Variants in FRMD5 observed in about 807,000 individuals in gnomAD.
The protein encoded by FRMD5 is FERM domain containing 5.
FRMD5 carries 20 observed loss-of-function variants against 69.0 expected under a neutral mutation model. The ratio of observed to expected loss-of-function variants is 0.29; its 90% confidence interval spans 0.20 to 0.42. The LOEUF (loss-of-function observed/expected upper bound fraction) is 0.42, where lower values mean the gene tolerates loss of function less well. FRMD5 is among the 10% of genes least tolerant of loss of function. The pLI is 1.00. For missense variants in FRMD5, 595 were observed against 708.6 expected, an observed-to-expected ratio of 0.84 and a Z score of 1.82; for synonymous variants, 271 against 260.1, an observed-to-expected ratio of 1.04 and a Z score of -0.40.
At chr15:44,031,254 G>GA (rs886585475) in intron 1 of FRMD5, among the ~76,000 whole-genome samples, 1 of 151,712 alleles carries the variant, frequency 6.6e-6, no homozygotes, top group Admixed American at 6.6e-5. Flanking sequence ...CCACAGGGGA[G>GA]AAAAAAAAGC....
At chr15:44,092,916 C>T (rs1221129239) in intron 1 of FRMD5, among the ~76,000 whole-genome samples, 1 of 140,700 alleles carries the variant, frequency 7.1e-6, no homozygotes, top group African/African-American at 2.6e-5. Context: ...TATATTTGTT[C>T]TATCCTCTGC....
chr15:43,905,681 A>G, intron 6 of FRMD5, 147 bp downstream of exon 6: 1 of 984,994 alleles, frequency 1.0e-6, no homozygotes, highest in South Asian at 1.6e-5. Flanking sequence ...TGTATCACTG[A>G]CAATGGTACA....
At chr15:43,923,988 G>T (rs1595523717) in intron 2 of FRMD5, among the ~76,000 whole-genome samples, 1 of 152,288 alleles carries the variant, frequency 6.6e-6, no homozygotes, top group East Asian at 1.9e-4. Context: ...TCCCTAGCCT[G>T]CCATTTCAGC....
At chr15:44,132,964 C>G (rs916692645) in intron 1 of FRMD5, among the ~76,000 whole-genome samples, 1 of 151,558 alleles carries the variant, frequency 6.6e-6, no homozygotes, top group Non-Finnish European at 1.5e-5. Context: ...GGTTTCACCA[C>G]GTTAGCCGGG....
chr15:43,974,527 G>T (rs1264493139), intron 1 of FRMD5, among the ~76,000 whole-genome samples: 1 of 152,164 alleles, frequency 6.6e-6, no homozygotes, highest in African/African-American at 2.4e-5. Flanking sequence ...CTTTGAGAAA[G>T]CATTGGAGTT....
At chr15:43,940,268 A>G (rs2089839601) in intron 1 of FRMD5, among the ~76,000 whole-genome samples, 1 of 152,208 alleles carries the variant, frequency 6.6e-6, no homozygotes, top group Non-Finnish European at 1.5e-5. Context: ...TTTCTGGGGC[A>G]GCCTCCTCAG....
intron 1 of FRMD5, among the ~76,000 whole-genome samples, chr15:44,035,224 G>A (rs1891854855): frequency 1.3e-5 from 2 of 152,108 alleles, no homozygotes; most frequent in African/African-American, 4.8e-5. Flanking sequence ...TACATAACCA[G>A]TGGTTTTAAA....
rs571792020 is a variant in FRMD5 at position 43,926,683 on chromosome 15, G to A, written c.103-2374C>T. 1.9e-3 allele frequency among the ~76,000 whole-genome samples: 282 copies of A among 151,914 alleles called. 2 individuals carry two copies. The highest frequency in any genetic ancestry group is 6.6e-3 in the African/African-American group (274 of 41,402). ...TGAGTAGACAGCTCAACTACAGAAG[G>A]AGGCAACATGTGGGCAACACCCCTC... is the stretch of plus-strand genomic sequence containing the variant. On this transcript the variant is annotated intron_variant, in intron 1 of 13. Transcript: ENST00000417257.
intron 1 of FRMD5, among the ~76,000 whole-genome samples, chr15:44,148,166 A>G (rs2077384767): frequency 6.6e-6 from 1 of 152,222 alleles, no homozygotes; most frequent in South Asian, 2.1e-4. Context: ...GAAGTTGGAT[A>G]ATAAAGACTA....
intron 7 of FRMD5, 97 bp downstream of exon 7, chr15:43,902,078 C>T (rs570760590): frequency 3.6e-4 from 305 of 841,266 alleles, no homozygotes; most frequent in Non-Finnish European, 5.3e-4. Flanking sequence ...GCCATGTAAA[C>T]GTTGAAGGGG....
At chr15:43,999,924 T>TAC (rs1890106823) in intron 1 of FRMD5, among the ~76,000 whole-genome samples, 1 of 55,792 alleles carries the variant, frequency 1.8e-5, no homozygotes, top group African/African-American at 8.1e-5. Context: ...TGTGTGTATG[T>TAC]ATATATATAT....
intron 4 of FRMD5, among the ~76,000 whole-genome samples, chr15:43,911,105 G>A (rs1425753323): frequency 1.3e-5 from 2 of 152,220 alleles, no homozygotes; most frequent in African/African-American, 4.8e-5. Flanking sequence ...TAGAAGACCT[G>A]TAAGATTATG....
At chr15:44,183,858 T>A (rs187848583) in intron 1 of FRMD5, among the ~76,000 whole-genome samples, 8 of 151,916 alleles carry the variant, frequency 5.3e-5, no homozygotes, top group African/African-American at 1.9e-4. Flanking sequence ...GACTTGAGCC[T>A]ACAGTCCGAG....
chr15:44,050,299 A>G lies in FRMD5; in HGVS notation c.103-125990T>C, dbSNP rs1406088856. ...CAAGTAATAAAATTCAAAACACTAG[A>G]AAGAAAAAAATGATAGAGAAGTTAT... On this transcript the variant is annotated intron_variant, in intron 1 of 13. Transcript: ENST00000417257. 3.3e-5 allele frequency among the ~76,000 whole-genome samples: 5 copies of G among 152,204 alleles called. No individual in the cohort carries two copies. The East Asian group carries it at 9.6e-4, about 29-fold the overall frequency.
chr15:44,085,344 G>A (rs2140461386), intron 1 of FRMD5, among the ~76,000 whole-genome samples: 1 of 152,200 alleles, frequency 6.6e-6, no homozygotes. Context: ...CAATAGGGTA[G>A]ACCAGATAAC....
intron 1 of FRMD5, among the ~76,000 whole-genome samples, chr15:44,034,659 T>C (rs1262738403): frequency 6.6e-6 from 1 of 152,244 alleles, no homozygotes; most frequent in South Asian, 2.1e-4. Flanking sequence ...CAGGAAGACG[T>C]AAGGCTTGTC....
At chr15:44,120,790 A>G (rs1337516187) in intron 1 of FRMD5, among the ~76,000 whole-genome samples, 1 of 151,970 alleles carries the variant, frequency 6.6e-6, no homozygotes, top group Non-Finnish European at 1.5e-5. Flanking sequence ...AGCCTCCCAA[A>G]GTGCTGGGAC....
At chr15:44,110,452 G>A (rs575529084) in intron 1 of FRMD5, among the ~76,000 whole-genome samples, 6 of 152,280 alleles carry the variant, frequency 3.9e-5, no homozygotes, top group African/African-American at 1.4e-4. Flanking sequence ...GTATCTTCAG[G>A]TTTGTAATAA....
intron 6 of FRMD5, among the ~76,000 whole-genome samples, chr15:43,903,230 T>G (rs2089089468): frequency 6.6e-6 from 1 of 152,198 alleles, no homozygotes; most frequent in Non-Finnish European, 1.5e-5. Flanking sequence ...TTGGCTTCAG[T>G]GAGGAGGGGT....
Sources: gnomAD v4.1 joint callset for allele counts (sites outside exome capture counted in the v4.1 genomes callset) on GRCh38, gnomAD v4.1.1 for gene constraint, MANE v1.5 for transcripts, NCBI Gene and HGNC (gene_info 2026-07-23, HGNC 2026-07-21) for gene names.